SLC15A2: variants seen among roughly 807,000 people sequenced by gnomAD.
The protein encoded by SLC15A2 is solute carrier family 15 member 2.
A neutral mutation model predicts 95.5 loss-of-function variants in SLC15A2; 77 were observed. The ratio of observed to expected loss-of-function variants is 0.81; its 90% CI spans 0.67 to 0.97. The LOEUF is 0.97. SLC15A2 is among the 50% of genes least tolerant of loss of function. The pLI is 0.00. For synonymous variants in SLC15A2, 306 were observed against 306.9 expected (o/e 1.00, Z 0.03); for missense variants, 893 against 874.4 (o/e 1.02, Z -0.27).
chr3:121,941,811 T>A lies in SLC15A2; in HGVS notation c.*804T>A, dbSNP rs981871233. On this transcript the variant is annotated 3_prime_UTR_variant, in exon 22 of 22. Coordinates refer to ENST00000489711, the MANE Select transcript of SLC15A2 (RefSeq NM_021082.4). ...ACATTCTTCTTAGCCTCTATGGCGC[T>A]GGTCTATGCCCTTCAGTGAACAGTT... is the stretch of plus-strand genomic sequence containing the variant. The A allele has an allele frequency of 3.9e-5, 6 of 152,250 alleles. No individual in the cohort carries two copies. Among genetic ancestry groups the A allele is most frequent in the African/African-American group, 1.4e-4 (6 of 41,472 alleles). The allele number at this position is 152,250 out of a possible 1,614,324, so 9.4% of individuals were successfully genotyped here.
At position 121,928,478 on chromosome 3, in the gene SLC15A2, G is replaced by A. The variant is rs1008148558; in HGVS notation, c.1264G>A (p.Ala422Thr). Reference protein sequence around the residue: ...QEVFLQVLNLADDEVKVTVVG... With the variant: ...QEVFLQVLNLTDDEVKVTVVG... The stretch of plus-strand genomic sequence containing the variant: ...GGTTTTCCTACAAGTCTTGAATCTG[G>A]CAGATGATGAGGTGAAGGTGACAGT... The change falls in exon 15 of 22, where the codon GCA becomes ACA. Residue 422 changes from alanine to threonine, a missense_variant. Transcript: ENST00000489711. 1 of 1,614,002 alleles carries A rather than the reference G, an allele frequency of 6.2e-7. No homozygotes were observed. The highest frequency in any genetic ancestry group is 1.3e-5 in the African/African-American group (1 of 74,932).
intron 3 of SLC15A2, among the ~76,000 whole-genome samples, chr3:121,898,150 A>G (rs1418701368): frequency 4.7e-5 from 7 of 148,266 alleles, no homozygotes; most frequent in Admixed American, 3.5e-4. Flanking sequence ...CAACAGAAAA[A>G]GACTCTGTCT....
intron 3 of SLC15A2, among the ~76,000 whole-genome samples, chr3:121,907,709 A>G (rs1709681412): frequency 6.6e-6 from 1 of 152,232 alleles, no homozygotes; most frequent in African/African-American, 2.4e-5. Flanking sequence ...AATATTGCAG[A>G]ACAGCAAATA....
intron 21 of SLC15A2, 136 bp downstream of exon 21, chr3:121,940,624 C>A (rs759667143): frequency 5.5e-5 from 47 of 855,590 alleles, no homozygotes; most frequent in Non-Finnish European, 8.3e-5. Flanking sequence ...GATATACAGA[C>A]TTTACCAGGA....
At chr3:121,920,624 GA>G (rs1709987396) in intron 7 of SLC15A2, among the ~76,000 whole-genome samples, 1 of 152,112 alleles carries the variant, frequency 6.6e-6, no homozygotes, top group Non-Finnish European at 1.5e-5. Flanking sequence ...CTGCCCACTT[GA>G]CTCTCAGGAT....
At chr3:121,923,016 G>T in intron 9 of SLC15A2, 24 bp from the exon 10 acceptor site, 1 of 1,609,526 alleles carries the variant, frequency 6.2e-7, no homozygotes, top group Non-Finnish European at 8.5e-7. Flanking sequence ...TAGCATTTCT[G>T]CCCATTCTTC....
intron 19 of SLC15A2, among the ~76,000 whole-genome samples, chr3:121,936,962 G>A (rs1710360278): frequency 6.6e-6 from 1 of 151,150 alleles, no homozygotes; most frequent in African/African-American, 2.4e-5. Flanking sequence ...CAGGCCTGGT[G>A]GTGACAAAAT....
rs549381985 is a variant in SLC15A2 at position 121,924,296 on chromosome 3, A to T, written c.1003-55A>T. ...AGCAAAATTATTGATCTAGGCCAACATTTTTTTTTCTTTTCTTCAGACATC... is the reference window on the plus strand; with the variant it reads ...AGCAAAATTATTGATCTAGGCCAACTTTTTTTTTTCTTTTCTTCAGACATC... On this transcript the variant is annotated intron_variant, in intron 11 of 21. Transcript: ENST00000489711. 22 of 1,411,128 alleles carry T rather than the reference A, an allele frequency of 1.6e-5. No individual in the cohort carries two copies. The East Asian group carries it at 4.1e-4, about 26-fold the overall frequency. The allele number at this position is 1,411,128 out of a possible 1,614,324, so 87.4% of individuals were successfully genotyped here.
chr3:121,908,799 T>G (rs2107580028), intron 3 of SLC15A2, among the ~76,000 whole-genome samples: 2 of 152,314 alleles, frequency 1.3e-5, no homozygotes, highest in African/African-American at 4.8e-5. Flanking sequence ...CCACATTAAC[T>G]TGTTCATGAT....
intron 3 of SLC15A2, among the ~76,000 whole-genome samples, chr3:121,904,924 A>G (rs6791876): frequency 0.45 from 68,027 of 152,036 alleles, 15,752 homozygotes; most frequent in East Asian, 0.69. Context: ...AGAAGGAATG[A>G]TACCAGCCCC....
chr3:121,907,899 C>G (rs1480612320), intron 3 of SLC15A2, among the ~76,000 whole-genome samples: 1 of 152,232 alleles, frequency 6.6e-6, no homozygotes, highest in African/African-American at 2.4e-5. Flanking sequence ...AGAACGAGTG[C>G]TCTCTTCAGA....
chr3:121,894,632 T>C (rs1709385422), intron 1 of SLC15A2, 51 bp downstream of exon 1: 1 of 1,426,492 alleles, frequency 7.0e-7, no homozygotes, highest in South Asian at 1.2e-5. Context: ...CTCCCTCTTT[T>C]GGCTCTCTTC....
rs145777064 is a variant in SLC15A2, at chr3:121,911,785, G to A, written c.428+119G>A. On this transcript the variant is annotated intron_variant, in intron 4 of 21. Transcript: ENST00000489711. The stretch of plus-strand genomic sequence containing the variant: ...CAATCTACAGTTTACTACAAAACTG[G>A]TTAAGAAAAACAGTCTTATGACCAG... 18 of 711,974 alleles carry A rather than the reference G, an allele frequency of 2.5e-5. No individual in the cohort carries two copies. The African/African-American group carries it at 2.8e-4, about 11-fold the overall frequency. 44.1% of individuals were successfully genotyped at this position (711,974 alleles called of 1,614,324 possible).
At chr3:121,923,998 C>T (rs1384996467) in intron 11 of SLC15A2, among the ~76,000 whole-genome samples, 3 of 152,166 alleles carry the variant, frequency 2.0e-5, no homozygotes, top group Non-Finnish European at 4.4e-5. Context: ...GGAGAGTCTT[C>T]ACCCTAACCA....
chr3:121,934,573 T>C (rs1228432791), intron 19 of SLC15A2, among the ~76,000 whole-genome samples: 1 of 150,846 alleles, frequency 6.6e-6, no homozygotes, highest in African/African-American at 2.4e-5. Flanking sequence ...TTGTCTGTTA[T>C]TGGTGTATAA....
intron 19 of SLC15A2, among the ~76,000 whole-genome samples, chr3:121,937,656 A>T (rs936553190): frequency 1.3e-5 from 2 of 152,130 alleles, no homozygotes; most frequent in East Asian, 3.9e-4. Context: ...TATTTTAGTT[A>T]TACATTCCTC....
chr3:121,938,336 G>A (rs1056971483), intron 19 of SLC15A2, among the ~76,000 whole-genome samples: 1 of 152,256 alleles, frequency 6.6e-6, no homozygotes, highest in African/African-American at 2.4e-5. Flanking sequence ...AAGCAAGCCT[G>A]GGCAATGGCG....
chr3:121,921,213 G>T (rs1419095647), intron 7 of SLC15A2, among the ~76,000 whole-genome samples: 1 of 152,178 alleles, frequency 6.6e-6, no homozygotes, highest in Non-Finnish European at 1.5e-5. Flanking sequence ...ACAGCATAGG[G>T]TATCTCAAAA....
chr3:121,897,369 CT>C lies in SLC15A2; in HGVS notation c.194-11del, dbSNP rs199548513. ...ATCTTGTTTTGTCTCCCCACGCCTC[CT>C]TTTTTTTCCCACTACAGCTGTGCTG... On this transcript the variant is annotated intron_variant, in intron 2 of 21. Coordinates refer to ENST00000489711, the MANE Select transcript of SLC15A2 (RefSeq NM_021082.4). 40 of 1,610,106 alleles carry C rather than the reference CT, an allele frequency of 2.5e-5. No individual in the cohort carries two copies. The highest frequency in any genetic ancestry group is 3.3e-5 in the South Asian group (3 of 90,214).
Sources: allele counts gnomAD v4.1 joint callset (sites outside exome capture counted in the v4.1 genomes callset), GRCh38; gene constraint gnomAD v4.1.1; transcripts MANE v1.5; gene names NCBI Gene and HGNC (gene_info 2026-07-23, HGNC 2026-07-21).